The following CNTNAP2 variants were observed in gnomAD, a reference collection of about 807,000 sequenced individuals.
CNTNAP2 encodes contactin-associated protein-like 2.
CNTNAP2 carries 98 observed loss-of-function variants against 155.2 expected under a neutral mutation model. The observed-to-expected ratio is 0.63, with a 90% confidence interval of 0.54 to 0.75. The LOEUF is 0.75. Ranked by LOEUF, CNTNAP2 falls within the 30% of genes least tolerant of loss-of-function variation. The pLI, the probability that CNTNAP2 is intolerant of heterozygous loss-of-function variation, is 0.00. For synonymous variants in CNTNAP2, 651 were observed against 631.2 expected (o/e 1.03, Z -0.47); for missense variants, 1,727 against 1,688.1 (o/e 1.02, Z -0.40).
intron 4 of CNTNAP2, among the ~76,000 whole-genome samples, chr7:147,048,146 C>T (rs1799403126): frequency 7.0e-6 from 1 of 142,082 alleles, no homozygotes; most frequent in Non-Finnish European, 1.5e-5. Context: ...GTGATCTCGG[C>T]TCACTGCAAG....
chr7:148,350,998 C>G (rs970012870), intron 21 of CNTNAP2, among the ~76,000 whole-genome samples: 3 of 152,216 alleles, frequency 2.0e-5, no homozygotes, highest in Non-Finnish European at 2.9e-5. Context: ...AGGCACTGTT[C>G]CAGGTGCTGG....
intron 15 of CNTNAP2, among the ~76,000 whole-genome samples, chr7:148,112,667 T>G (rs1037156375): frequency 6.6e-6 from 1 of 152,046 alleles, no homozygotes; most frequent in African/African-American, 2.4e-5. Context: ...GTCACTGCAA[T>G]TACAGGTGTG....
At chr7:146,967,600 GCT>G (rs1797683661) in intron 3 of CNTNAP2, among the ~76,000 whole-genome samples, 1 of 152,034 alleles carries the variant, frequency 6.6e-6, no homozygotes, top group Non-Finnish European at 1.5e-5. Flanking sequence ...ACATGATTTG[GCT>G]CTCTGTTTGT....
chr7:146,915,680 G>A (rs1408967984), intron 3 of CNTNAP2, among the ~76,000 whole-genome samples: 1 of 152,116 alleles, frequency 6.6e-6, no homozygotes, highest in Non-Finnish European at 1.5e-5. Context: ...TTTGTATCCT[G>A]AAACTTTGCT....
intron 22 of CNTNAP2, among the ~76,000 whole-genome samples, chr7:148,388,495 C>T (rs1799269076): frequency 6.6e-6 from 1 of 152,028 alleles, no homozygotes; most frequent in Non-Finnish European, 1.5e-5. Flanking sequence ...TATGGCTGCA[C>T]AGTAGTCCAT....
chr7:147,105,416 A>T (rs981460129), intron 4 of CNTNAP2, among the ~76,000 whole-genome samples: 18 of 151,960 alleles, frequency 1.2e-4, no homozygotes, highest in Non-Finnish European at 7.4e-5. Context: ...ACCGCATCGA[A>T]AACTTAATTC....
At chr7:147,638,871 T>A (rs1389437551) in intron 12 of CNTNAP2, 1 of 660,836 alleles carries the variant, frequency 1.5e-6, no homozygotes. Context: ...TTGCCTTGCT[T>A]TCAGGAGGTA....
intron 15 of CNTNAP2, among the ~76,000 whole-genome samples, chr7:148,072,836 T>C (rs894721474): frequency 6.6e-6 from 1 of 152,152 alleles, no homozygotes; most frequent in Non-Finnish European, 1.5e-5. Context: ...GCCTCCCCAG[T>C]AGCTGGGATT....
At chr7:148,333,687 T>A (rs1798069461) in intron 21 of CNTNAP2, among the ~76,000 whole-genome samples, 1 of 152,210 alleles carries the variant, frequency 6.6e-6, no homozygotes, top group Non-Finnish European at 1.5e-5. Context: ...AAGGGATTCA[T>A]GTAGAGACAG....
chr7:146,572,550 C>T lies in CNTNAP2; in HGVS notation c.98-201721C>T, dbSNP rs1798458596. Among the ~76,000 whole-genome samples the T allele has an allele frequency of 2.6e-5, 4 of 152,144 alleles. No homozygotes were observed. In the South Asian group the frequency reaches 8.3e-4, roughly 32 times the overall value. On this transcript the variant is annotated intron_variant, in intron 1 of 23. Coordinates refer to ENST00000361727, the MANE Select transcript of CNTNAP2 (RefSeq NM_014141.6). Reference sequence around the variant, plus strand: ...AGTAACAGGAAAGTGCGCATATTTGCCCATACTATGGACATCCCAATGTTC... The same window carrying T: ...AGTAACAGGAAAGTGCGCATATTTGTCCATACTATGGACATCCCAATGTTC...
At chr7:146,451,087 C>T (rs1796473573) in intron 1 of CNTNAP2, among the ~76,000 whole-genome samples, 1 of 152,052 alleles carries the variant, frequency 6.6e-6, no homozygotes, top group South Asian at 2.1e-4. Context: ...GCTGGGACTA[C>T]AGGCACCGAC....
chr7:148,059,005 G>A (rs2116507743), intron 15 of CNTNAP2, among the ~76,000 whole-genome samples: 1 of 152,250 alleles, frequency 6.6e-6, no homozygotes, highest in South Asian at 2.1e-4. Flanking sequence ...GCCATCAAGG[G>A]CTCGGTGGCT....
At chr7:147,833,709 C>T (rs556960385) in intron 13 of CNTNAP2, among the ~76,000 whole-genome samples, 2 of 152,288 alleles carry the variant, frequency 1.3e-5, no homozygotes, top group African/African-American at 4.8e-5. Flanking sequence ...AGGCCACTGC[C>T]CCAATACACA....
intron 20 of CNTNAP2, among the ~76,000 whole-genome samples, chr7:148,247,473 T>C (rs1194291230): frequency 6.6e-6 from 1 of 151,916 alleles, no homozygotes; most frequent in Non-Finnish European, 1.5e-5. Flanking sequence ...CATGCAGATA[T>C]TTCTCTTACT....
intron 3 of CNTNAP2, among the ~76,000 whole-genome samples, chr7:146,935,761 TACAG>T (rs1052850412): frequency 6.6e-6 from 1 of 152,170 alleles, no homozygotes; most frequent in African/African-American, 2.4e-5. Flanking sequence ...CATTGGGTAT[TACAG>T]ACACTCAGTT....
chr7:147,090,803 A>G (rs1800387409), intron 4 of CNTNAP2, among the ~76,000 whole-genome samples: 1 of 152,160 alleles, frequency 6.6e-6, no homozygotes, highest in Non-Finnish European at 1.5e-5. Context: ...CTTTTCTTAC[A>G]TAAATTTTAA....
intron 15 of CNTNAP2, among the ~76,000 whole-genome samples, chr7:148,094,853 AC>A (rs1394526954): frequency 6.6e-6 from 1 of 152,172 alleles, no homozygotes; most frequent in Non-Finnish European, 1.5e-5. Flanking sequence ...TCTAGGAAGG[AC>A]CCTGATTAGA....
intron 2 of CNTNAP2, among the ~76,000 whole-genome samples, chr7:146,790,632 C>A (rs1031031415): frequency 6.7e-6 from 1 of 150,108 alleles, no homozygotes; most frequent in African/African-American, 2.5e-5. Flanking sequence ...TGCAGTGGCG[C>A]GATCTCAGCT....
At chr7:147,666,000 T>C (rs1207381380) in intron 13 of CNTNAP2, among the ~76,000 whole-genome samples, 3 of 152,186 alleles carry the variant, frequency 2.0e-5, no homozygotes, top group African/African-American at 7.2e-5. Context: ...TGTATCTATA[T>C]CATTTGAGCC....
Sources: allele counts gnomAD v4.1 joint callset (sites outside exome capture counted in the v4.1 genomes callset), GRCh38; gene constraint gnomAD v4.1.1; transcripts MANE v1.5; gene names NCBI Gene and HGNC (gene_info 2026-07-23, HGNC 2026-07-21).